The following NUP85 variants were observed in gnomAD, a reference collection of about 807,000 sequenced individuals.
NUP85 encodes nucleoporin 85.
In NUP85, 23 loss-of-function variants were observed where a neutral mutation model predicts 92.8. The ratio of observed to expected loss-of-function variants is 0.25; its 90% CI spans 0.18 to 0.35. NUP85 has a LOEUF of 0.35. Among genes scored for constraint, NUP85 ranks in the 10% least tolerant of loss-of-function variants. The pLI, the probability that NUP85 is intolerant of heterozygous loss-of-function variation, is 1.00. For synonymous variants in NUP85, 314 were observed against 306.9 expected (o/e 1.02, Z -0.24); for missense variants, 759 against 822.8 (o/e 0.92, Z 0.95).
intron 4 of NUP85, among the ~76,000 whole-genome samples, 176 bp downstream of exon 4, chr17:75,212,238 T>TTGTTG (rs2075291494): frequency 8.8e-4 from 7 of 7,982 alleles, no homozygotes; most frequent in East Asian, 5.6e-3. Flanking sequence ...GGTTTTTTTT[T>TTGTTG]TTGTTGTTGT....
intron 5 of NUP85, among the ~76,000 whole-genome samples, chr17:75,214,296 C>T (rs1284589737): frequency 6.6e-6 from 1 of 152,106 alleles, no homozygotes; most frequent in Non-Finnish European, 1.5e-5. Flanking sequence ...CTGAAGTACC[C>T]TTATGAACAA....
At chr17:75,214,410 T>C (rs1047757727) in intron 5 of NUP85, among the ~76,000 whole-genome samples, 6 of 152,212 alleles carry the variant, frequency 3.9e-5, no homozygotes, top group African/African-American at 7.2e-5. Flanking sequence ...TATATTGGGC[T>C]TTCCCGTTAA....
chr17:75,218,380 AC>A, intron 7 of NUP85, 74 bp downstream of exon 7: 1 of 1,586,590 alleles, frequency 6.3e-7, no homozygotes, highest in Non-Finnish European at 8.6e-7. Context: ...GTCTGAGGAC[AC>A]CCACTGAGCC....
intron 14 of NUP85, 163 bp downstream of exon 14, chr17:75,232,142 T>G: frequency 1.4e-6 from 1 of 707,686 alleles, no homozygotes; most frequent in Non-Finnish European, 2.3e-6. Flanking sequence ...GGATAATTAC[T>G]TGGGAGGGAC....
intron 3 of NUP85, among the ~76,000 whole-genome samples, chr17:75,211,417 C>T (rs1196575062): frequency 7.7e-6 from 1 of 129,476 alleles, no homozygotes. Flanking sequence ...TGGCAGGGGA[C>T]CCTGTCTTAT....
At chr17:75,230,753 AC>A (rs2145403197) in intron 11 of NUP85, among the ~76,000 whole-genome samples, 1 of 152,224 alleles carries the variant, frequency 6.6e-6, no homozygotes, top group African/African-American at 2.4e-5. Flanking sequence ...TGTGGTGAGA[AC>A]ATTCAAAAGC....
chr17:75,225,002 A>C, intron 7 of NUP85, 101 bp from the exon 8 acceptor site: 11 of 1,221,918 alleles, frequency 9.0e-6, no homozygotes, highest in East Asian at 2.5e-5. Context: ...CTGTGTGTGA[A>C]GAGTTAAAAA....
In NUP85 at chr17:75,231,821, T is replaced by G; in HGVS notation, c.1245-7T>G. The G allele has an allele frequency of 6.2e-7, 1 of 1,613,912 alleles. No homozygotes were observed. The highest frequency in any genetic ancestry group is 1.1e-5 in the South Asian group (1 of 91,032). ...ACCTCATGTCTGTCCTCCTCGAACC[T>G]TTGCAGCCTGTGGCAGCTGGGGGTC... On this transcript the variant is annotated splice_region_variant and splice_polypyrimidine_tract_variant and intron_variant, in intron 13 of 18. Coordinates refer to ENST00000245544, the MANE Select transcript of NUP85 (RefSeq NM_024844.5). This position sits in a 1 kb window ranked among gnomAD's most constrained non-coding sequence, Gnocchi z 4.6.
At position 75,234,917 on chromosome 17, in the gene NUP85, C is replaced by A. The variant is rs778306228; in HGVS notation, c.1767+129C>A. 21 of 1,226,422 alleles carry A rather than the reference C, an allele frequency of 1.7e-5. No individual in the cohort carries two copies. The South Asian group carries it at 2.5e-4, about 15-fold the overall frequency. The allele number at this position is 1,226,422 out of a possible 1,614,324, so 76.0% of individuals were successfully genotyped here. ...CTGTGCGCGTGTATTCCCCTTAGCG[C>A]CCTCTCTGGGATTCCAGACTCACAC... On this transcript the variant is annotated intron_variant, in intron 17 of 18. Coordinates refer to ENST00000245544, the MANE Select transcript of NUP85 (RefSeq NM_024844.5).
chr17:75,223,997 C>T (rs1397191547), intron 7 of NUP85, among the ~76,000 whole-genome samples: 1 of 152,030 alleles, frequency 6.6e-6, no homozygotes, highest in African/African-American at 2.4e-5. Flanking sequence ...TTCTCCAGTC[C>T]CTCCTCTTGG....
chr17:75,212,101 TG>T (rs774115532), intron 4 of NUP85, 39 bp downstream of exon 4: 19 of 1,426,682 alleles, frequency 1.3e-5, no homozygotes, highest in South Asian at 1.2e-4. Context: ...TGTGTGTGTG[TG>T]TGTGTGTGGG....
At chr17:75,220,477 A>G (rs1470418756) in intron 7 of NUP85, among the ~76,000 whole-genome samples, 1 of 151,120 alleles carries the variant, frequency 6.6e-6, no homozygotes, top group East Asian at 1.9e-4. Flanking sequence ...GCAGTGCACA[A>G]TCACCAGTCA....
intron 6 of NUP85, among the ~76,000 whole-genome samples, chr17:75,216,988 C>T (rs969709197): frequency 2.6e-5 from 4 of 152,124 alleles, no homozygotes; most frequent in Admixed American, 6.6e-5. Flanking sequence ...CAGGCTCAAG[C>T]GATCCTCCTG....
At chr17:75,221,745 C>G (rs1568079833) in intron 7 of NUP85, among the ~76,000 whole-genome samples, 1 of 152,180 alleles carries the variant, frequency 6.6e-6, no homozygotes, top group East Asian at 1.9e-4. Context: ...CATTGGAGAG[C>G]TGAGCAGAGG....
In NUP85 at chr17:75,205,729, CGA is replaced by C. The variant is rs764987745; in HGVS notation, c.-31_-30del. Reference sequence around the variant, plus strand: ...GGCCTGAGCGGGAAGCATTGGCGTCCGAGCGACTTCTAGGAGCCTGGGGTTCG... The same window carrying C: ...GGCCTGAGCGGGAAGCATTGGCGTCCGCGACTTCTAGGAGCCTGGGGTTCG... On this transcript the variant is annotated 5_prime_UTR_variant, in exon 1 of 19. Coordinates refer to ENST00000245544, the MANE Select transcript of NUP85 (RefSeq NM_024844.5). The C allele has an allele frequency of 1.2e-6, 2 of 1,614,026 alleles. No homozygotes were observed. The highest frequency in any genetic ancestry group is 2.2e-5 in the South Asian group (2 of 91,084).
rs1490476071 is a variant in NUP85 at position 75,225,118 on chromosome 17, C to T, written c.613C>T (p.Leu205=). The T allele has an allele frequency of 6.4e-7, 1 of 1,568,598 alleles. No homozygotes were observed. The highest frequency in any genetic ancestry group is 8.7e-7 in the Non-Finnish European group (1 of 1,154,530). The stretch of plus-strand genomic sequence containing the variant: ...CTCCTCCCAGGTGACCATCTTGGTG[C>T]TGCAGGGCCGGCTGGATGAGGCCCG... ...SFWNLVTILV[L]QGRLDEARQM... Residue 205 remains leucine (L), a synonymous_variant, in exon 8 of 19, where the codon CTG becomes TTG. Transcript: ENST00000245544.
In NUP85 at chr17:75,235,618, T is replaced by C. The variant is rs1323538812; in HGVS notation, c.1910T>C (p.Leu637Pro). 2 of 1,614,032 alleles carry C rather than the reference T, an allele frequency of 1.2e-6. No individual in the cohort carries two copies. Among genetic ancestry groups the C allele is most frequent in the Non-Finnish European group, 1.7e-6 (2 of 1,179,978 alleles). The change falls in exon 19 of 19, where the codon CTT (leucine) becomes CCT (proline). Residue 637 changes from leucine (L) to proline (P), a missense_variant. Physicochemically the swap from Leu to Pro is moderately conservative, Grantham distance 98. Transcript: ENST00000245544. ...ACCACCAAGGTGGAAATGCTGAGAC[T>C]TTCTCTGGCACGAAATCTTGCTCGG... is the stretch of plus-strand genomic sequence containing the variant. ...IETTKVEMLRLSLARNLARAI... is the reference protein window; with the variant it reads ...IETTKVEMLRPSLARNLARAI...
intron 5 of NUP85, among the ~76,000 whole-genome samples, chr17:75,214,050 T>C (rs2075356460): frequency 6.6e-6 from 1 of 151,702 alleles, no homozygotes; most frequent in Non-Finnish European, 1.5e-5. Flanking sequence ...TTCACCGTGT[T>C]AGCCAGGATG....
chr17:75,208,280 G>GAAAA (rs56256592), intron 1 of NUP85: 34 of 304,150 alleles, frequency 1.1e-4, no homozygotes, highest in Admixed American at 1.7e-4. Flanking sequence ...TACTAAAAAT[G>GAAAA]AAAAAAAAAA....
Sources: allele counts gnomAD v4.1 joint callset (sites outside exome capture counted in the v4.1 genomes callset), GRCh38; gene constraint gnomAD v4.1.1; non-coding constraint Gnocchi (gnomAD v3.1); transcripts MANE v1.5; gene names NCBI Gene and HGNC (gene_info 2026-07-23, HGNC 2026-07-21).